The following FARP1 variants were observed in gnomAD, a reference collection of about 807,000 sequenced individuals.
The protein encoded by FARP1 is FERM, ARH/RhoGEF and pleckstrin domain protein 1.
A neutral mutation model predicts 128.8 loss-of-function variants in FARP1; 52 were observed. The observed-to-expected ratio is 0.40, with a 90% confidence interval of 0.32 to 0.51. The LOEUF (loss-of-function observed/expected upper bound fraction) is 0.51, where lower values mean the gene tolerates loss of function less well. Among genes scored for constraint, FARP1 ranks in the 20% least tolerant of loss-of-function variants. The pLI, the probability that FARP1 is intolerant of heterozygous loss-of-function variation, is 0.45. For missense variants in FARP1, 1,333 were observed against 1,367.9 expected (o/e 0.97, Z 0.40); for synonymous variants, 580 against 551.8 (o/e 1.05, Z -0.72).
At chr13:98,161,110 A>G (rs1331561915) in intron 1 of FARP1, among the ~76,000 whole-genome samples, 1 of 151,916 alleles carries the variant, frequency 6.6e-6, no homozygotes, top group Non-Finnish European at 1.5e-5. Context: ...AACATCCCAC[A>G]GTTTCCTTTT....
chr13:98,226,872 G>A (rs1881809065), intron 2 of FARP1, among the ~76,000 whole-genome samples: 1 of 152,046 alleles, frequency 6.6e-6, no homozygotes, highest in Admixed American at 6.6e-5. Flanking sequence ...CGGTGGATCA[G>A]TAGTGGGAGA....
At position 98,451,169 on chromosome 13, in the gene FARP1, T is replaced by TA. The variant is rs1893172267; in HGVS notation, c.*2855dup. ...CCATTTGTAAATCTGAAGAACTCTG[T>TA]AAATCAGAAAAGCTGCTGTCCGCCC... On this transcript the variant is annotated 3_prime_UTR_variant, in exon 27 of 27. Transcript: ENST00000319562. 6.6e-6 allele frequency: 1 copy of TA among 152,132 alleles called. No homozygotes were observed. The highest frequency in any genetic ancestry group is 6.5e-5 in the Admixed American group (1 of 15,284). 9.4% of individuals were successfully genotyped at this position (152,132 alleles called of 1,614,324 possible). A position where few individuals can be genotyped will look rare whatever the true frequency, so the allele number is the denominator to read the frequency against.
intron 16 of FARP1, among the ~76,000 whole-genome samples, chr13:98,421,076 G>A (rs1891575464): frequency 6.6e-6 from 1 of 152,176 alleles, no homozygotes; most frequent in Non-Finnish European, 1.5e-5. Context: ...CCTCCAGCCT[G>A]TACTCACCAC....
chr13:98,313,190 G>A lies in FARP1; in HGVS notation c.172-30572G>A, dbSNP rs377760356. 5.5e-4 allele frequency among the ~76,000 whole-genome samples: 79 copies of A among 143,510 alleles called. No homozygotes were observed. The South Asian group carries it at 0.013, about 23-fold the overall frequency. The allele number at this position is 143,510 out of a possible 152,430, so 94.1% of individuals were successfully genotyped here. ...ATACACACATACACTCTGGAATCGG[G>A]TGGGTCATAATACACACACACACAT... On this transcript the variant is annotated intron_variant, in intron 2 of 26. Coordinates refer to ENST00000319562, the MANE Select transcript of FARP1 (RefSeq NM_005766.4).
chr13:98,362,434 C>T (rs1326193401), intron 3 of FARP1, among the ~76,000 whole-genome samples: 3 of 152,188 alleles, frequency 2.0e-5, no homozygotes, highest in Admixed American at 6.5e-5. Flanking sequence ...GAGTCAAGGA[C>T]GGGTGTGAGT....
intron 2 of FARP1, among the ~76,000 whole-genome samples, chr13:98,342,081 A>G (rs1887996872): frequency 6.6e-6 from 1 of 152,228 alleles, no homozygotes; most frequent in Non-Finnish European, 1.5e-5. Context: ...CATTGTGGAT[A>G]CAGGGATGAA....
intron 2 of FARP1, among the ~76,000 whole-genome samples, chr13:98,318,966 T>TTTTG (rs1555337151): frequency 1.9e-4 from 27 of 141,752 alleles, no homozygotes; most frequent in Non-Finnish European, 2.4e-4. Flanking sequence ...TTTTTTTTTT[T>TTTTG]TTTGTTTGTT....
In FARP1 at chr13:98,428,740, G is replaced by A. The variant is rs115929457; in HGVS notation, c.1906-2303G>A. Among the ~76,000 whole-genome samples the A allele has an allele frequency of 6.2e-3, 949 of 152,284 alleles. 9 individuals carry two copies. The highest frequency in any genetic ancestry group is 0.031 in the South Asian group (150 of 4,824). On this transcript the variant is annotated intron_variant, in intron 17 of 26. Transcript: ENST00000319562. ...GACCTCTGCCTTGGCCTGGGTGTGT[G>A]CATTGCTTCGTTGGCTCTTTGGTAT... is the stretch of plus-strand genomic sequence containing the variant.
At chr13:98,409,248 C>T (rs367918720) in intron 13 of FARP1, 90 bp from the exon 14 acceptor site, 12 of 1,041,922 alleles carry the variant, frequency 1.2e-5, no homozygotes, top group East Asian at 2.6e-5. Flanking sequence ...TCAAATCTTA[C>T]GATTTGAAAA....
chr13:98,286,159 C>T (rs1885157169), intron 2 of FARP1, among the ~76,000 whole-genome samples: 1 of 152,158 alleles, frequency 6.6e-6, no homozygotes. Context: ...TGGGTTTCTC[C>T]TGCCCACTCG....
intron 1 of FARP1, among the ~76,000 whole-genome samples, chr13:98,171,389 G>A (rs952742535): frequency 4.6e-5 from 7 of 152,160 alleles, no homozygotes; most frequent in Admixed American, 3.3e-4. Context: ...TTCAGCATGA[G>A]CCTCCTGGGC....
At chr13:98,191,325 G>A (rs1427105618) in intron 1 of FARP1, among the ~76,000 whole-genome samples, 1 of 152,196 alleles carries the variant, frequency 6.6e-6, no homozygotes, top group Admixed American at 6.5e-5. Context: ...CTGGGCTTCA[G>A]AATATACTTG....
intron 2 of FARP1, among the ~76,000 whole-genome samples, chr13:98,230,345 C>A (rs1882042809): frequency 6.6e-6 from 1 of 152,172 alleles, no homozygotes; most frequent in Non-Finnish European, 1.5e-5. Context: ...CCAGTGCAAT[C>A]TATGTTTATT....
intron 1 of FARP1, among the ~76,000 whole-genome samples, chr13:98,182,205 G>A (rs1878583506): frequency 6.6e-6 from 1 of 152,108 alleles, no homozygotes; most frequent in African/African-American, 2.4e-5. Flanking sequence ...AATTCCCATA[G>A]CTCTTTGACT....
chr13:98,302,463 G>A (rs1438376477), intron 2 of FARP1, among the ~76,000 whole-genome samples: 2 of 152,040 alleles, frequency 1.3e-5, no homozygotes, highest in South Asian at 2.1e-4. Context: ...CTCCCTGTCC[G>A]GGGCAGATCA....
At position 98,384,747 on chromosome 13, in the gene FARP1, G is replaced by C; in HGVS notation, c.514G>C (p.Asp172His). Residue 172 changes from aspartate to histidine, a missense_variant, in exon 7 of 27, where the codon GAT (aspartate) becomes CAT (histidine). Transcript: ENST00000319562. ...CTTTTTAGCTGAGATTGGGGATTTT[G>C]ATGAAGCCTTGGACAGAGAGCACTT... ...HIVQSEIGDF[D>H]EALDREHLAK... 2.5e-6 allele frequency: 4 copies of C among 1,611,268 alleles called. No individual in the cohort carries two copies. Among genetic ancestry groups the C allele is most frequent in the Middle Eastern group, 3.3e-4 (2 of 6,050 alleles).
chr13:98,301,491 C>T (rs565584770), intron 2 of FARP1, among the ~76,000 whole-genome samples: 5 of 152,306 alleles, frequency 3.3e-5, no homozygotes, highest in Admixed American at 2.0e-4. Flanking sequence ...TCGTTCTCTT[C>T]TCTCTGTTAG....
At chr13:98,386,985 C>T (rs919302322) in intron 8 of FARP1, among the ~76,000 whole-genome samples, 1 of 152,174 alleles carries the variant, frequency 6.6e-6, no homozygotes. Context: ...GACCTGCACG[C>T]ATAGCCTCTG....
intron 6 of FARP1, 71 bp downstream of exon 6, chr13:98,377,989 T>A: frequency 8.7e-7 from 1 of 1,146,564 alleles, no homozygotes. Context: ...GGGAAAAAAA[T>A]CACATCCACC....
Sources: gnomAD v4.1 joint callset for allele counts (sites outside exome capture counted in the v4.1 genomes callset) on GRCh38, gnomAD v4.1.1 for gene constraint, MANE v1.5 for transcripts, NCBI Gene and HGNC (gene_info 2026-07-23, HGNC 2026-07-21) for gene names.